The following PLCB1 variants were observed in gnomAD, a reference collection of about 807,000 sequenced individuals.
The protein encoded by PLCB1 is phospholipase C beta 1.
A neutral mutation model predicts 161.8 loss-of-function variants in PLCB1; 46 were observed. That is an observed-to-expected ratio of 0.28 (90% CI 0.22 to 0.36). The LOEUF (loss-of-function observed/expected upper bound fraction) is 0.36. Among genes scored for constraint, PLCB1 ranks in the 10% least tolerant of loss-of-function variants. The pLI is 1.00. For missense variants in PLCB1, 1,016 were observed against 1,472.5 expected, an observed-to-expected ratio of 0.69 and a Z score of 5.07; for synonymous variants, 517 against 503.7, an observed-to-expected ratio of 1.03 and a Z score of -0.35.
intron 31 of PLCB1, among the ~76,000 whole-genome samples, chr20:8,819,998 A>C (rs1985259574): frequency 6.7e-6 from 1 of 149,308 alleles, no homozygotes; most frequent in Non-Finnish European, 1.5e-5. Flanking sequence ...AAACCTATTC[A>C]TCCTCCTATA....
rs535466804 is a variant in PLCB1 at position 8,530,564 on chromosome 20, A to G, written c.247-97730A>G. Among the ~76,000 whole-genome samples the G allele has an allele frequency of 5.9e-5, 9 of 152,250 alleles. No individual in the cohort carries two copies. In the South Asian group the frequency reaches 8.3e-4, roughly 14 times the overall value. On this transcript the variant is annotated intron_variant, in intron 3 of 31. Transcript: ENST00000338037. Reference sequence around the variant, plus strand: ...ATAATCAAAGAATATGTTCAGCATGATACCAATACTTCAAAATTTGATAAG... The same window carrying G: ...ATAATCAAAGAATATGTTCAGCATGGTACCAATACTTCAAAATTTGATAAG...
intron 9 of PLCB1, among the ~76,000 whole-genome samples, chr20:8,659,406 C>A (rs1989560322): frequency 6.6e-6 from 1 of 152,068 alleles, no homozygotes; most frequent in Admixed American, 6.6e-5. Flanking sequence ...ACTGAGAAGA[C>A]TAACTCTCAT....
At chr20:8,731,474 T>C (rs1364434088) in intron 18 of PLCB1, among the ~76,000 whole-genome samples, 2 of 151,924 alleles carry the variant, frequency 1.3e-5, no homozygotes, top group Non-Finnish European at 2.9e-5. Context: ...GATCCTAATA[T>C]AAGTTTCACT....
intron 5 of PLCB1, among the ~76,000 whole-genome samples, chr20:8,646,829 A>G (rs1175100483): frequency 6.6e-6 from 1 of 152,220 alleles, no homozygotes; most frequent in African/African-American, 2.4e-5. Flanking sequence ...AGCAGCAAGG[A>G]AAGCTGGTTG....
At chr20:8,441,631 T>C (rs1980564674) in intron 3 of PLCB1, among the ~76,000 whole-genome samples, 1 of 152,194 alleles carries the variant, frequency 6.6e-6, no homozygotes, top group African/African-American at 2.4e-5. Flanking sequence ...ACTGTTTGCC[T>C]ACCAATTAAC....
At chr20:8,542,940 T>C (rs1213689365) in intron 3 of PLCB1, among the ~76,000 whole-genome samples, 1 of 152,244 alleles carries the variant, frequency 6.6e-6, no homozygotes, top group Non-Finnish European at 1.5e-5. Context: ...AGACTATGTA[T>C]TGCACAGCTA....
intron 31 of PLCB1, among the ~76,000 whole-genome samples, chr20:8,800,138 C>T (rs1984214514): frequency 6.6e-6 from 1 of 152,140 alleles, no homozygotes; most frequent in African/African-American, 2.4e-5. Context: ...AAGGCTATTG[C>T]ATGAGGGCAA....
At chr20:8,157,770 T>G (rs746042717) in intron 2 of PLCB1, among the ~76,000 whole-genome samples, 10 of 152,208 alleles carry the variant, frequency 6.6e-5, no homozygotes, top group Non-Finnish European at 1.2e-4. Flanking sequence ...TATTTTAAAA[T>G]TAGGCTAGTC....
At chr20:8,311,921 A>T (rs1984418893) in intron 2 of PLCB1, among the ~76,000 whole-genome samples, 1 of 152,206 alleles carries the variant, frequency 6.6e-6, no homozygotes, top group Non-Finnish European at 1.5e-5. Flanking sequence ...TCTACACAGG[A>T]GGAGAGCAAG....
intron 2 of PLCB1, among the ~76,000 whole-genome samples, chr20:8,255,767 A>G (rs910707861): frequency 2.0e-5 from 3 of 152,002 alleles, no homozygotes; most frequent in Non-Finnish European, 2.9e-5. Context: ...TATTTAATAA[A>G]TTGTCGATAT....
intron 9 of PLCB1, among the ~76,000 whole-genome samples, chr20:8,682,849 A>G (rs899977475): frequency 6.6e-6 from 1 of 152,174 alleles, no homozygotes; most frequent in African/African-American, 2.4e-5. Flanking sequence ...CCTCAAAAGT[A>G]TGCGAAGTCT....
chr20:8,656,339 C>T (rs927425507), intron 7 of PLCB1, among the ~76,000 whole-genome samples: 2 of 151,988 alleles, frequency 1.3e-5, no homozygotes, highest in East Asian at 3.8e-4. Context: ...AATTTTTAGA[C>T]ATTTGTATAA....
At chr20:8,690,357 A>G (rs1990448475) in intron 10 of PLCB1, among the ~76,000 whole-genome samples, 1 of 152,156 alleles carries the variant, frequency 6.6e-6, no homozygotes, top group South Asian at 2.1e-4. Flanking sequence ...TTCTCAAATC[A>G]GTCTCTCTGA....
chr20:8,581,734 T>C (rs1405653359), intron 3 of PLCB1, among the ~76,000 whole-genome samples: 1 of 152,112 alleles, frequency 6.6e-6, no homozygotes, highest in Non-Finnish European at 1.5e-5. Context: ...TGGTTGGTCA[T>C]CCTAAGCCTG....
Position 8,628,365 on chromosome 20 carries a change from G to GAA in PLCB1, c.318_319insAA (p.Tyr107AsnfsTer7). 6.2e-7 allele frequency: 1 copy of GAA among 1,614,126 alleles called. No individual in the cohort carries two copies. Among genetic ancestry groups the GAA allele is most frequent in the South Asian group, 1.1e-5 (1 of 91,080 alleles). On this transcript the variant is annotated frameshift_variant, in exon 4 of 32. Transcript: ENST00000338037. LOFTEE classifies it high-confidence loss of function. ...TGGAGCAGCGCATGATCACAGTGGT[G>GAA]TATGGGCCTGACCTCGTGAACATCT...
At chr20:8,780,276 C>A (rs1361546088) in intron 27 of PLCB1, among the ~76,000 whole-genome samples, 1 of 152,172 alleles carries the variant, frequency 6.6e-6, no homozygotes, top group Non-Finnish European at 1.5e-5. Context: ...ACACCCACAG[C>A]CCAGTGAGCA....
At chr20:8,750,571 G>C (rs546062642) in intron 23 of PLCB1, among the ~76,000 whole-genome samples, 89 of 152,234 alleles carry the variant, frequency 5.8e-4, no homozygotes, top group African/African-American at 2.1e-3. Context: ...TTTTAAAGTA[G>C]GTTGCAAACA....
At chr20:8,679,553 T>G (rs1254215771) in intron 9 of PLCB1, among the ~76,000 whole-genome samples, 3 of 152,232 alleles carry the variant, frequency 2.0e-5, no homozygotes, top group Non-Finnish European at 2.9e-5. Context: ...TAAAGCATGA[T>G]TTTAAAGCAT....
At chr20:8,736,954 A>G in intron 19 of PLCB1, 74 bp from the exon 20 acceptor site, 1 of 1,152,548 alleles carries the variant, frequency 8.7e-7, no homozygotes, top group Non-Finnish European at 1.3e-6. Context: ...GTGGCTCTTT[A>G]AAGTATTCTC....
Sources: allele counts gnomAD v4.1 joint callset (sites outside exome capture counted in the v4.1 genomes callset), GRCh38; gene constraint gnomAD v4.1.1; transcripts MANE v1.5; gene names NCBI Gene and HGNC (gene_info 2026-07-23, HGNC 2026-07-21).